PLAAT1: variants seen among roughly 807,000 people sequenced by gnomAD.
PLAAT1 encodes the protein H-REV107 protein-related protein.
A neutral mutation model predicts 16.4 loss-of-function variants in PLAAT1; 13 were observed. The observed-to-expected ratio is 0.79, with a 90% CI of 0.52 to 1.26. PLAAT1 has a LOEUF of 1.26. Ranked by LOEUF, PLAAT1 falls within the 50% of genes most tolerant of loss-of-function variation. The pLI is 0.00. For synonymous variants in PLAAT1, 73 were observed against 78.4 expected (o/e 0.93, Z 0.36); for missense variants, 218 against 207.8 (o/e 1.05, Z -0.30).
chr3:193,277,992 C>T (rs375829741), downstream of PLAAT1, among the ~76,000 whole-genome samples: 227 of 152,144 alleles, frequency 1.5e-3, 2 homozygotes, highest in African/African-American at 5.3e-3. Context: ...TTAGTAGAGA[C>T]GGGGTTTTAC....
intron 1 of PLAAT1, among the ~76,000 whole-genome samples, 167 bp downstream of exon 1, chr3:193,241,700 T>C (rs571130847): frequency 9.2e-5 from 14 of 152,224 alleles, no homozygotes; most frequent in Non-Finnish European, 1.6e-4. Flanking sequence ...AGAGACTTTC[T>C]TCCCTAGGTT....
intron 3 of PLAAT1, among the ~76,000 whole-genome samples, chr3:193,269,075 G>C (rs1425394654): frequency 6.6e-6 from 1 of 151,934 alleles, no homozygotes; most frequent in Non-Finnish European, 1.5e-5. Context: ...TGTCTAATTA[G>C]TGACTCTTCC....
chr3:193,254,392 G>A (rs1223097076), intron 1 of PLAAT1, among the ~76,000 whole-genome samples: 1 of 152,100 alleles, frequency 6.6e-6, no homozygotes, highest in East Asian at 1.9e-4. Context: ...ATGTGGATTT[G>A]TTTCATAAAT....
upstream of PLAAT1, chr3:193,241,064 G>C (rs1715705694): frequency 1.9e-6 from 1 of 534,596 alleles, no homozygotes; most frequent in Non-Finnish European, 2.8e-6. Flanking sequence ...GAGCGCGTGC[G>C]TTGCGTGCGC....
In PLAAT1 at chr3:193,252,634, A is replaced by G. The variant is rs1202400291; in HGVS notation, c.1-3017A>G. ...AGTCTGGGAACTCTTTGTCTACCCTAGACCCTAAAAATTTTTCTCCTATGT... is the reference window on the plus strand; with the variant it reads ...AGTCTGGGAACTCTTTGTCTACCCTGGACCCTAAAAATTTTTCTCCTATGT... On this transcript the variant is annotated intron_variant, in intron 1 of 3. Coordinates refer to ENST00000264735, the MANE Select transcript of PLAAT1 (RefSeq NM_020386.5). Among the ~76,000 whole-genome samples, 6 of 152,172 alleles carry G rather than the reference A, an allele frequency of 3.9e-5. No individual in the cohort carries two copies. The East Asian group carries it at 1.2e-3, about 29-fold the overall frequency.
chr3:193,278,023 T>TG (rs895727158), downstream of PLAAT1, among the ~76,000 whole-genome samples: 8 of 152,226 alleles, frequency 5.3e-5, no homozygotes, highest in African/African-American at 1.9e-4. Context: ...AGGCTGGTCT[T>TG]GAACTCCTGA....
chr3:193,279,791 C>G (rs987671308), downstream of PLAAT1, among the ~76,000 whole-genome samples: 1 of 151,846 alleles, frequency 6.6e-6, no homozygotes, highest in African/African-American at 2.4e-5. Flanking sequence ...CTCATTCTTC[C>G]CCGTTGCCTG....
intron 1 of PLAAT1, among the ~76,000 whole-genome samples, chr3:193,249,596 C>G (rs1463849192): frequency 6.6e-6 from 1 of 151,928 alleles, no homozygotes; most frequent in Non-Finnish European, 1.5e-5. Flanking sequence ...ATTTTCTGTC[C>G]CTTTCTCTCT....
rs78938207 is a variant in PLAAT1 at position 193,245,273 on chromosome 3, C to T, written c.-1+3740C>T. On this transcript the variant is annotated intron_variant, in intron 1 of 3. Transcript: ENST00000264735. The stretch of plus-strand genomic sequence containing the variant: ...CTATGAGGTCAGCGTTTTTAGATTT[C>T]ACACGTGAGATCATACTGTATTTCT... Among the ~76,000 whole-genome samples the T allele has an allele frequency of 1.6e-4, 24 of 152,270 alleles. No homozygotes were observed. The East Asian group carries it at 4.6e-3, about 29-fold the overall frequency.
rs1716661247 is a variant in PLAAT1, at chr3:193,263,342, A to G, written c.405+107A>G. ...ATGAAAAGAACCAGAAAATACGAGAATACTGAAGGATAGAGAATGGACTTG... is the reference window on the plus strand; with the variant it reads ...ATGAAAAGAACCAGAAAATACGAGAGTACTGAAGGATAGAGAATGGACTTG... On this transcript the variant is annotated intron_variant, in intron 3 of 3. Transcript: ENST00000264735. 11 of 1,061,188 alleles carry G rather than the reference A, an allele frequency of 1.0e-5. No homozygotes were observed. In the East Asian group the frequency reaches 2.8e-4, roughly 27 times the overall value. 65.7% of individuals were successfully genotyped at this position (1,061,188 alleles called of 1,614,324 possible). A position where few individuals can be genotyped will look rare whatever the true frequency, so the allele number is the denominator to read the frequency against.
At chr3:193,256,784 T>C (rs1267629133) in intron 2 of PLAAT1, among the ~76,000 whole-genome samples, 1 of 152,220 alleles carries the variant, frequency 6.6e-6, no homozygotes, top group African/African-American at 2.4e-5. Context: ...TATTTAGAGA[T>C]GTAGACAAGC....
intron 1 of PLAAT1, among the ~76,000 whole-genome samples, chr3:193,253,683 G>A (rs1716274822): frequency 6.6e-6 from 1 of 152,068 alleles, no homozygotes; most frequent in African/African-American, 2.4e-5. Flanking sequence ...CAAGTATCAA[G>A]TAGAAGACTA....
At chr3:193,246,981 G>A (rs1716004276) in intron 1 of PLAAT1, among the ~76,000 whole-genome samples, 1 of 152,158 alleles carries the variant, frequency 6.6e-6, no homozygotes, top group African/African-American at 2.4e-5. Context: ...GAAGCCATCA[G>A]GTCCTGGGCT....
intron 2 of PLAAT1, chr3:193,276,801 A>G (rs764718436): frequency 6.2e-7 from 1 of 1,613,796 alleles, no homozygotes; most frequent in Non-Finnish European, 8.5e-7. Flanking sequence ...CCAAAATTAA[A>G]ACCCTCCACG....
chr3:193,241,252 C>G lies in PLAAT1; in HGVS notation c.-282C>G. The stretch of plus-strand genomic sequence containing the variant: ...AGCCTCGTGCCGGCTCGGCAGCGCC[C>G]GGACGCCGAGCCCAGCGCGTCGGCC... On this transcript the variant is annotated 5_prime_UTR_variant, in exon 1 of 4. Coordinates refer to ENST00000264735, the MANE Select transcript of PLAAT1 (RefSeq NM_020386.5). 2 of 1,227,022 alleles carry G rather than the reference C, an allele frequency of 1.6e-6. No individual in the cohort carries two copies. The highest frequency in any genetic ancestry group is 2.0e-6 in the Non-Finnish European group (2 of 985,022). 76.0% of individuals were successfully genotyped at this position (1,227,022 alleles called of 1,614,324 possible).
rs148401574 is a variant in PLAAT1, at chr3:193,269,731, C to T, written c.406-873C>T. Among the ~76,000 whole-genome samples, 37 of 152,152 alleles carry T rather than the reference C, an allele frequency of 2.4e-4. 1 individual carries two copies. In the South Asian group the frequency reaches 2.5e-3, roughly 10 times the overall value. ...GAGTACTTGATAATTCTGAAGTGTC[C>T]GAATGTGACCTTTGGGTCATCAAAT... On this transcript the variant is annotated intron_variant, in intron 3 of 3. Coordinates refer to ENST00000264735, the MANE Select transcript of PLAAT1 (RefSeq NM_020386.5).
At chr3:193,265,405 AT>A (rs1448000372) in intron 3 of PLAAT1, among the ~76,000 whole-genome samples, 1 of 152,224 alleles carries the variant, frequency 6.6e-6, no homozygotes, top group African/African-American at 2.4e-5. Flanking sequence ...ATATTATATT[AT>A]TTCATCGATA....
chr3:193,242,220 G>A (rs1050726397), intron 1 of PLAAT1, among the ~76,000 whole-genome samples: 1 of 151,662 alleles, frequency 6.6e-6, no homozygotes, highest in African/African-American at 2.4e-5. Context: ...CCAAAAGATC[G>A]GACGCATGGT....
At chr3:193,272,087 C>T (rs1717001177), downstream of PLAAT1, among the ~76,000 whole-genome samples, 1 of 152,106 alleles carries the variant, frequency 6.6e-6, no homozygotes, top group African/African-American at 2.4e-5. Context: ...ATTTCTCTTT[C>T]ATTTTTACTC....
Sources: gnomAD v4.1 joint callset for allele counts (sites outside exome capture counted in the v4.1 genomes callset) on GRCh38, gnomAD v4.1.1 for gene constraint, MANE v1.5 for transcripts, NCBI Gene and HGNC (gene_info 2026-07-23, HGNC 2026-07-21) for gene names.